Variants in PRUNE2 observed in about 807,000 individuals in gnomAD.
The protein encoded by PRUNE2 is prune homolog 2 with BCH domain, also known as protein prune homolog 2.
In PRUNE2, 164 loss-of-function variants were observed where a neutral mutation model predicts 252.0. The ratio of observed to expected loss-of-function variants is 0.65; its 90% CI spans 0.57 to 0.74. The LOEUF (loss-of-function observed/expected upper bound fraction) is 0.74, where lower values mean the gene tolerates loss of function less well. PRUNE2 is among the 30% of genes least tolerant of loss of function. The probability of loss-of-function intolerance (pLI) is 0.00; values close to 1 mark genes in which losing one functional copy is unlikely to be tolerated. For synonymous variants in PRUNE2, 1,292 were observed against 1,350.2 expected (o/e 0.96, Z 0.94); for missense variants, 3,495 against 3,711.0 (o/e 0.94, Z 1.51).
intron 14 of PRUNE2, among the ~76,000 whole-genome samples, chr9:76,636,831 C>T (rs889614181): frequency 2.0e-5 from 3 of 152,052 alleles, no homozygotes; most frequent in African/African-American, 7.3e-5. Flanking sequence ...TGGTGCCCGC[C>T]TGTAAGTCCT....
At chr9:76,617,089 T>A (rs1033572702) in intron 18 of PRUNE2, among the ~76,000 whole-genome samples, 1 of 152,218 alleles carries the variant, frequency 6.6e-6, no homozygotes, top group African/African-American at 2.4e-5. Flanking sequence ...TATAAGCAAC[T>A]TTTTCCTGAG....
At chr9:76,732,215 G>C (rs374161689) in intron 6 of PRUNE2, among the ~76,000 whole-genome samples, 2 of 152,188 alleles carry the variant, frequency 1.3e-5, no homozygotes, top group South Asian at 4.1e-4. Context: ...TGGGGGCTGA[G>C]GCAGGAGAAT....
chr9:76,617,127 A>G (rs1312142667), intron 18 of PRUNE2, among the ~76,000 whole-genome samples: 3 of 152,188 alleles, frequency 2.0e-5, no homozygotes, highest in Non-Finnish European at 2.9e-5. Flanking sequence ...TAATTTTACA[A>G]TAGGCCATTT....
At position 76,709,541 on chromosome 9, in the gene PRUNE2, C is replaced by G; in HGVS notation, c.2733G>C (p.Lys911Asn). ...NGLVDPKTRGKVYEKVDSWNL... is the reference protein window; with the variant it reads ...NGLVDPKTRGNVYEKVDSWNL... ...TCCAGGAATCTACCTTTTCATATAC[C>G]TTGCCCCTAGTTTTAGGATCCACTA... The change falls in exon 8 of 19, where the codon AAG becomes AAC. Residue 911 changes from lysine to asparagine, a missense_variant. Transcript: ENST00000376718. 6.2e-7 allele frequency: 1 copy of G among 1,613,992 alleles called. No individual in the cohort carries two copies.
chr9:76,667,386 G>A (rs560866590), intron 9 of PRUNE2, among the ~76,000 whole-genome samples: 4 of 152,222 alleles, frequency 2.6e-5, no homozygotes, highest in Admixed American at 6.5e-5. Context: ...ACGCCCAAGT[G>A]AGCAGCAGAA....
At position 76,644,909 on chromosome 9, in the gene PRUNE2, T is replaced by A; in HGVS notation, c.8558A>T (p.Asp2853Val). Residue 2853 changes from aspartate to valine, a missense_variant and splice_region_variant, in exon 12 of 19, where the codon GAT becomes GTT. By Grantham distance (152) the Asp-to-Val change is radical. Transcript: ENST00000376718. Reference sequence around the variant, plus strand: ...GCCAGAATCTTTGTTGGCTGTGGGATCTTCTGGAAACAAAGCACAGAGCAA... The same window carrying A: ...GCCAGAATCTTTGTTGGCTGTGGGAACTTCTGGAAACAAAGCACAGAGCAA... ...EADSFEYTGH[D>V]PTANKDSGQE... 6.2e-7 allele frequency: 1 copy of A among 1,612,964 alleles called. No individual in the cohort carries two copies. The highest frequency in any genetic ancestry group is 1.1e-5 in the South Asian group (1 of 90,904).
rs1449272292 is a variant in PRUNE2, at chr9:76,705,816, A to G, written c.6458T>C (p.Phe2153Ser). The G allele has an allele frequency of 6.2e-7, 1 of 1,613,602 alleles. No homozygotes were observed. The highest frequency in any genetic ancestry group is 8.5e-7 in the Non-Finnish European group (1 of 1,179,876). ...EEPIYEPGREFVPSNAELDSE... is the reference protein window; with the variant it reads ...EEPIYEPGRESVPSNAELDSE... ...ATCGAGTTCTGCATTGGATGGGACA[A>G]ACTCCCGTCCAGGCTCATAAATGGG... The change falls in exon 8 of 19, where the codon TTT becomes TCT. Residue 2153 changes from phenylalanine (F) to serine (S), a missense_variant. By Grantham distance (155) the Phe-to-Ser change is radical. Coordinates refer to ENST00000376718, the MANE Select transcript of PRUNE2 (RefSeq NM_015225.3).
At chr9:76,818,147 C>A (rs895942128) in intron 6 of PRUNE2, among the ~76,000 whole-genome samples, 1 of 151,996 alleles carries the variant, frequency 6.6e-6, no homozygotes, top group Non-Finnish European at 1.5e-5. Flanking sequence ...CATATGCTCC[C>A]CCAAGAAACG....
chr9:76,716,684 A>T (rs114715238), intron 6 of PRUNE2, among the ~76,000 whole-genome samples: 2,768 of 151,088 alleles, frequency 0.018, 45 homozygotes, highest in East Asian at 0.087. Flanking sequence ...AATTTAATTT[A>T]ATTTTTAAAA....
chr9:76,705,789 G>A lies in PRUNE2; in HGVS notation c.6485C>T (p.Ser2162Phe), dbSNP rs772591436. ...TGGAGGCAGCACAGTTGCGTTTTCA[G>A]AATCGAGTTCTGCATTGGATGGGAC... ...EFVPSNAELD[S>F]ENATVLPPIG... Residue 2162 changes from serine to phenylalanine, a missense_variant, in exon 8 of 19, where the codon TCT (serine) becomes TTT (phenylalanine). Transcript: ENST00000376718. 6.2e-7 allele frequency: 1 copy of A among 1,613,790 alleles called. No homozygotes were observed. The highest frequency in any genetic ancestry group is 8.5e-7 in the Non-Finnish European group (1 of 1,179,898).
At chr9:76,886,437 C>T (rs1192054229) in intron 1 of PRUNE2, among the ~76,000 whole-genome samples, 1 of 152,142 alleles carries the variant, frequency 6.6e-6, no homozygotes, top group Non-Finnish European at 1.5e-5. Context: ...GGCCAGAAGC[C>T]TCATTATGTT....
At chr9:76,679,326 G>A (rs2043169870) in intron 9 of PRUNE2, among the ~76,000 whole-genome samples, 1 of 151,986 alleles carries the variant, frequency 6.6e-6, no homozygotes, top group Non-Finnish European at 1.5e-5. Flanking sequence ...GGATTCCAAT[G>A]GAATTTTTTG....
chr9:76,823,773 T>C, intron 5 of PRUNE2, 47 bp from the exon 6 acceptor site: 3 of 1,188,230 alleles, frequency 2.5e-6, no homozygotes, highest in Non-Finnish European at 3.7e-6. Flanking sequence ...TTGAGGGATT[T>C]TTTTTTTGTA....
intron 6 of PRUNE2, among the ~76,000 whole-genome samples, chr9:76,811,315 G>A (rs1440006926): frequency 6.6e-6 from 1 of 152,162 alleles, no homozygotes; most frequent in African/African-American, 2.4e-5. Context: ...AGTTCCAAGT[G>A]TCACATATAT....
At chr9:76,632,851 C>G (rs1479717704) in intron 15 of PRUNE2, among the ~76,000 whole-genome samples, 1 of 152,212 alleles carries the variant, frequency 6.6e-6, no homozygotes, top group African/African-American at 2.4e-5. Flanking sequence ...ACAAGTCTAT[C>G]TGATTTTTAT....
intron 6 of PRUNE2, among the ~76,000 whole-genome samples, chr9:76,715,178 T>C (rs1318341341): frequency 6.6e-6 from 1 of 152,028 alleles, no homozygotes; most frequent in East Asian, 1.9e-4. Flanking sequence ...GTGCAGAGAG[T>C]TGCAGATTTC....
intron 15 of PRUNE2, among the ~76,000 whole-genome samples, chr9:76,633,403 A>G (rs1185886459): frequency 6.6e-6 from 1 of 151,720 alleles, no homozygotes; most frequent in Non-Finnish European, 1.5e-5. Context: ...AAACATGGCA[A>G]ATCCTGTCTC....
intron 6 of PRUNE2, among the ~76,000 whole-genome samples, chr9:76,806,503 CCATTCTT>C (rs1313271083): frequency 6.7e-6 from 1 of 149,266 alleles, no homozygotes; most frequent in African/African-American, 2.5e-5. Context: ...GTGTCAGGCA[CCATTCTT>C]TTTTTTTTTT....
At chr9:76,752,731 A>G (rs1366616360) in intron 6 of PRUNE2, among the ~76,000 whole-genome samples, 1 of 152,212 alleles carries the variant, frequency 6.6e-6, no homozygotes, top group Non-Finnish European at 1.5e-5. Context: ...TGGTATTAAT[A>G]TCATTCCCCA....
Sources: gnomAD v4.1 joint callset for allele counts (sites outside exome capture counted in the v4.1 genomes callset) on GRCh38, gnomAD v4.1.1 for gene constraint, MANE v1.5 for transcripts, NCBI Gene and HGNC (gene_info 2026-07-23, HGNC 2026-07-21) for gene names.